The following KIAA2012 variants were observed in gnomAD, a reference collection of about 807,000 sequenced individuals.
KIAA2012 encodes KIAA2012.
Under a neutral mutation model 150.6 loss-of-function variants are expected in KIAA2012, and 125 were observed. That is an observed-to-expected ratio of 0.83 (90% CI 0.72 to 0.96). The LOEUF is 0.96. Ranked by LOEUF, KIAA2012 falls within the 40% of genes least tolerant of loss-of-function variation. The pLI, the probability that KIAA2012 is intolerant of heterozygous loss-of-function variation, is 0.00. For synonymous variants in KIAA2012, 462 were observed against 504.7 expected (o/e 0.92, Z 1.13); for missense variants, 1,219 against 1,354.9 (o/e 0.90, Z 1.57).
intron 22 of KIAA2012, chr2:202,201,342 T>C (rs1454259271): frequency 6.3e-7 from 1 of 1,585,050 alleles, no homozygotes; most frequent in African/African-American, 1.3e-5. Context: ...GCTGAAGGTA[T>C]GTGATGTCTT....
At chr2:202,103,200 A>G (rs2105923193) in intron 8 of KIAA2012, 86 bp downstream of exon 8, 1 of 1,321,150 alleles carries the variant, frequency 7.6e-7, no homozygotes, top group Middle Eastern at 2.6e-4. Context: ...ATCATGGCTG[A>G]CGTTCCCTAT....
chr2:202,200,113 T>G (rs2105756109), intron 22 of KIAA2012, among the ~76,000 whole-genome samples: 1 of 152,004 alleles, frequency 6.6e-6, no homozygotes, highest in South Asian at 2.1e-4. Context: ...GTATTTTTAG[T>G]AGAGACGGGG....
At chr2:202,179,738 C>A in intron 15 of KIAA2012, 1 of 652,544 alleles carries the variant, frequency 1.5e-6, no homozygotes, top group South Asian at 1.4e-5. Context: ...TTATTTCAGT[C>A]AGATCCATCT....
intron 15 of KIAA2012, among the ~76,000 whole-genome samples, chr2:202,165,874 G>GGAT (rs764702268): frequency 6.6e-6 from 1 of 152,060 alleles, no homozygotes; most frequent in Non-Finnish European, 1.5e-5. Flanking sequence ...GTTGTTTGGG[G>GGAT]GATACCAGAC....
intron 2 of KIAA2012, among the ~76,000 whole-genome samples, chr2:202,081,948 G>A (rs921754070): frequency 5.3e-5 from 8 of 151,894 alleles, no homozygotes; most frequent in East Asian, 1.9e-4. Flanking sequence ...TCTGAACCTC[G>A]TTACAACATC....
chr2:202,075,517 C>T (rs1238255552), intron 2 of KIAA2012, among the ~76,000 whole-genome samples: 1 of 152,190 alleles, frequency 6.6e-6, no homozygotes, highest in Non-Finnish European at 1.5e-5. Context: ...TCCTTGAAAT[C>T]CTGTCTCATA....
chr2:202,080,990 G>A (rs1689438949), intron 2 of KIAA2012, among the ~76,000 whole-genome samples: 1 of 152,122 alleles, frequency 6.6e-6, no homozygotes, highest in African/African-American at 2.4e-5. Context: ...CCATGAAACA[G>A]TAACTCCCCA....
At chr2:202,098,511 G>A (rs879710222) in intron 5 of KIAA2012, among the ~76,000 whole-genome samples, 5 of 152,166 alleles carry the variant, frequency 3.3e-5, no homozygotes, top group African/African-American at 7.2e-5. Context: ...TAAACTCTGG[G>A]TTTTCCAAAC....
chr2:202,102,957 T>C lies in KIAA2012; in HGVS notation c.1167T>C (p.Ala389=). The C allele has an allele frequency of 6.5e-7, 1 of 1,549,844 alleles. No homozygotes were observed. Among genetic ancestry groups the C allele is most frequent in the Non-Finnish European group, 8.7e-7 (1 of 1,146,740 alleles). The change falls in exon 8 of 24, where the codon GCT becomes GCC. Residue 389 remains alanine, a synonymous_variant. Coordinates refer to ENST00000498697, the MANE Select transcript of KIAA2012 (RefSeq NM_001277372.4). The stretch of plus-strand genomic sequence containing the variant: ...TAAATTTTCTCCAGGCACCAAAGGC[T>C]TTGAAATTACCTCCTATCTCAGAAG... ...GEVKKKKAPK[A]LKLPPISEEP... is the part of the protein sequence containing the mutation.
rs1012297397 is a variant in KIAA2012, at chr2:202,187,209, G to T, written c.2376+111G>T. 3.3e-6 allele frequency: 4 copies of T among 1,208,562 alleles called. No homozygotes were observed. In the African/African-American group the frequency reaches 6.1e-5, roughly 18 times the overall value. 74.9% of individuals were successfully genotyped at this position (1,208,562 alleles called of 1,614,324 possible). A position where few individuals can be genotyped will look rare whatever the true frequency, so the allele number is the denominator to read the frequency against. On this transcript the variant is annotated intron_variant, in intron 17 of 23. Transcript: ENST00000498697. ...CTATATGAGGGCACCCGATAAAGGGGATGAGGGGGGCACTGAGGTCCAGCC... is the reference window on the plus strand; with the variant it reads ...CTATATGAGGGCACCCGATAAAGGGTATGAGGGGGGCACTGAGGTCCAGCC...
chr2:202,152,519 T>C (rs1200746929), intron 13 of KIAA2012, among the ~76,000 whole-genome samples: 3 of 152,216 alleles, frequency 2.0e-5, no homozygotes, highest in Non-Finnish European at 4.4e-5. Flanking sequence ...ATGGAGAAAT[T>C]TCCCTCAAAT....
intron 13 of KIAA2012, among the ~76,000 whole-genome samples, chr2:202,140,769 G>A (rs1171957106): frequency 2.0e-5 from 3 of 152,090 alleles, no homozygotes; most frequent in Admixed American, 6.6e-5. Context: ...TGGGCCACTG[G>A]CAATCCAGGG....
intron 15 of KIAA2012, among the ~76,000 whole-genome samples, chr2:202,177,709 T>G (rs1002467578): frequency 5.3e-5 from 8 of 152,180 alleles, no homozygotes; most frequent in African/African-American, 1.9e-4. Flanking sequence ...TATAGCAGCA[T>G]TAATCCATTC....
At chr2:202,117,888 C>T (rs1005383243) in intron 11 of KIAA2012, among the ~76,000 whole-genome samples, 1 of 152,242 alleles carries the variant, frequency 6.6e-6, no homozygotes, top group African/African-American at 2.4e-5. Context: ...TATTTGATCA[C>T]TGAATCCCTT....
At chr2:202,118,857 T>C (rs1449596325) in intron 11 of KIAA2012, among the ~76,000 whole-genome samples, 1 of 152,202 alleles carries the variant, frequency 6.6e-6, no homozygotes, top group Non-Finnish European at 1.5e-5. Flanking sequence ...AGGGAGCTAC[T>C]AAAACACAGT....
At chr2:202,169,441 C>T (rs529542003) in intron 15 of KIAA2012, among the ~76,000 whole-genome samples, 3 of 152,142 alleles carry the variant, frequency 2.0e-5, no homozygotes, top group Non-Finnish European at 4.4e-5. Flanking sequence ...GAACCTGCAC[C>T]TTCACCATAG....
intron 14 of KIAA2012, among the ~76,000 whole-genome samples, chr2:202,164,391 G>A (rs1691715481): frequency 6.6e-6 from 1 of 152,148 alleles, no homozygotes; most frequent in Non-Finnish European, 1.5e-5. Context: ...TTAGGACCTG[G>A]GAATCATTTT....
rs1320129998 is a variant in KIAA2012 at position 202,193,283 on chromosome 2, A to G, written c.2812-18A>G. On this transcript the variant is annotated intron_variant, in intron 19 of 23. Transcript: ENST00000498697. ...AGACCCATCTGTTTATTGCACTGAGAACACTCTGGTTTCTTAGGCCCTCCT... is the reference window on the plus strand; with the variant it reads ...AGACCCATCTGTTTATTGCACTGAGGACACTCTGGTTTCTTAGGCCCTCCT... 1.9e-6 allele frequency: 3 copies of G among 1,548,052 alleles called. No homozygotes were observed. The highest frequency in any genetic ancestry group is 2.6e-6 in the Non-Finnish European group (3 of 1,146,422).
At chr2:202,117,570 C>A (rs183713978) in intron 11 of KIAA2012, among the ~76,000 whole-genome samples, 1 of 152,220 alleles carries the variant, frequency 6.6e-6, no homozygotes, top group African/African-American at 2.4e-5. Context: ...TTTATTCCCA[C>A]CTGTACTGCC....
Sources: allele counts gnomAD v4.1 joint callset (sites outside exome capture counted in the v4.1 genomes callset), GRCh38; gene constraint gnomAD v4.1.1; transcripts MANE v1.5; gene names NCBI Gene and HGNC (gene_info 2026-07-23, HGNC 2026-07-21).